The following PCDHA12 variants were observed in gnomAD, a reference collection of about 807,000 sequenced individuals.
The protein encoded by PCDHA12 is protocadherin alpha 12.
PCDHA12 carries 44 observed loss-of-function variants against 60.0 expected under a neutral mutation model. The ratio of observed to expected loss-of-function variants is 0.73; its 90% CI spans 0.58 to 0.94. The LOEUF is 0.94. PCDHA12 is among the 40% of genes least tolerant of loss of function. The pLI, the probability that PCDHA12 is intolerant of heterozygous loss-of-function variation, is 0.00. For synonymous variants in PCDHA12, 569 were observed against 553.0 expected (o/e 1.03, Z -0.40); for missense variants, 1,276 against 1,239.7 (o/e 1.03, Z -0.44).
At chr5:140,932,727 A>G (rs927294598) in intron 1 of PCDHA12, among the ~76,000 whole-genome samples, 2 of 151,954 alleles carry the variant, frequency 1.3e-5, no homozygotes, top group Non-Finnish European at 2.9e-5. Flanking sequence ...ATTGTATAAT[A>G]TAGACCCTCA....
chr5:140,878,856 G>T (rs1210501065), intron 1 of PCDHA12, among the ~76,000 whole-genome samples: 1 of 152,168 alleles, frequency 6.6e-6, no homozygotes, highest in Admixed American at 6.5e-5. Flanking sequence ...GGGTTCAACT[G>T]ATCCTCCATT....
At chr5:140,970,082 G>C (rs1203003794) in intron 1 of PCDHA12, among the ~76,000 whole-genome samples, 1 of 152,178 alleles carries the variant, frequency 6.6e-6, no homozygotes, top group Non-Finnish European at 1.5e-5. Context: ...TGGATTAGGG[G>C]TGTGGGGGGA....
chr5:140,903,525 C>T (rs1322141732), intron 1 of PCDHA12, among the ~76,000 whole-genome samples: 1 of 152,164 alleles, frequency 6.6e-6, no homozygotes, highest in African/African-American at 2.4e-5. Context: ...GTGTTGTTCA[C>T]TTTAAACTAG....
intron 3 of PCDHA12, among the ~76,000 whole-genome samples, chr5:141,005,862 G>A (rs376850991): frequency 6.6e-6 from 1 of 152,012 alleles, no homozygotes; most frequent in Non-Finnish European, 1.5e-5. Flanking sequence ...CAGGAGGGTC[G>A]ATTGAGTCCA....
intron 1 of PCDHA12, among the ~76,000 whole-genome samples, chr5:140,947,308 A>G (rs1554218155): frequency 1.3e-5 from 2 of 151,606 alleles, no homozygotes; most frequent in Non-Finnish European, 3.0e-5. Context: ...ACATCTTTGT[A>G]AAAAGTCGGT....
chr5:141,000,359 CTG>C (rs1554257257), intron 3 of PCDHA12, among the ~76,000 whole-genome samples: 2 of 78,146 alleles, frequency 2.6e-5, no homozygotes, highest in South Asian at 4.6e-4. Context: ...CTGTCTCTCT[CTG>C]TCTCTCTCTC....
intron 1 of PCDHA12, among the ~76,000 whole-genome samples, chr5:140,888,841 C>T (rs2062001270): frequency 1.3e-5 from 2 of 151,998 alleles, no homozygotes; most frequent in Admixed American, 1.3e-4. Flanking sequence ...CCACTGCAGC[C>T]TGGTGACAGA....
At chr5:140,926,512 C>T in intron 1 of PCDHA12, 1 of 197,914 alleles carries the variant, frequency 5.1e-6, no homozygotes. Context: ...GTCTCCCAGG[C>T]TCCGCCCTGC....
At chr5:140,995,155 A>T (rs2097666869) in intron 3 of PCDHA12, among the ~76,000 whole-genome samples, 2 of 152,194 alleles carry the variant, frequency 1.3e-5, no homozygotes, top group Non-Finnish European at 2.9e-5. Flanking sequence ...CTTTATATAC[A>T]TTATGTTCTT....
At position 140,876,868 on chromosome 5, in the gene PCDHA12, G is replaced by A; in HGVS notation, c.1396G>A (p.Glu466Lys). ...GCCCGAGTACACAGTGTTCGTGAAG[G>A]AGAACAACCCGCCGGGCTGCCACAT... ...AQPEYTVFVKENNPPGCHIFT... is the reference protein window; with the variant it reads ...AQPEYTVFVKKNNPPGCHIFT... The change falls in exon 1 of 4, where the codon GAG becomes AAG. Residue 466 changes from glutamate to lysine, a missense_variant. Physicochemically the swap from Glu to Lys is moderately conservative, Grantham distance 56 (BLOSUM62 1). Coordinates refer to ENST00000398631, the MANE Select transcript of PCDHA12 (RefSeq NM_018903.4). 4.3e-6 allele frequency: 7 copies of A among 1,614,160 alleles called. No homozygotes were observed. The highest frequency in any genetic ancestry group is 5.9e-6 in the Non-Finnish European group (7 of 1,180,002).
chr5:141,000,389 C>A (rs868958582), intron 3 of PCDHA12, among the ~76,000 whole-genome samples: 168 of 62,538 alleles, frequency 2.7e-3, no homozygotes, highest in Non-Finnish European at 3.7e-3. Flanking sequence ...CTCTCTCTCT[C>A]TCTCTCTATA....
rs1220718510 is a variant in PCDHA12, at chr5:140,898,104, A to T, written c.2367+20265A>T. 2.0e-5 allele frequency among the ~76,000 whole-genome samples: 3 copies of T among 152,110 alleles called. No individual in the cohort carries two copies. In the South Asian group the frequency reaches 6.2e-4, roughly 32 times the overall value. On this transcript the variant is annotated intron_variant, in intron 1 of 3. Coordinates refer to ENST00000398631, the MANE Select transcript of PCDHA12 (RefSeq NM_018903.4). Reference sequence around the variant, plus strand: ...CTGGATATTAGCCCTTTGTCAGATGAGTAGGTTGCGAAAATTTTCTCCCAT... The same window carrying T: ...CTGGATATTAGCCCTTTGTCAGATGTGTAGGTTGCGAAAATTTTCTCCCAT...
At chr5:140,936,240 CAT>C (rs1282249217) in intron 1 of PCDHA12, among the ~76,000 whole-genome samples, 3 of 152,152 alleles carry the variant, frequency 2.0e-5, no homozygotes, top group Non-Finnish European at 4.4e-5. Flanking sequence ...TTAAAGAAAA[CAT>C]ATCCTGCTTC....
rs782164384 is a variant in PCDHA12 at position 140,875,952 on chromosome 5, G to A, written c.480G>A (p.Ala160=). Residue 160 remains alanine, a synonymous_variant, in exon 1 of 4, where the codon GCG becomes GCA. Transcript: ENST00000398631. ...TTCCTCTAGAGGGCGCTTCTGATGC[G>A]GATATCGGCGTAAACTCTCTTTTGA... ...SHFPLEGASD[A]DIGVNSLLTY... 2 of 1,614,102 alleles carry A rather than the reference G, an allele frequency of 1.2e-6. No homozygotes were observed. The highest frequency in any genetic ancestry group is 2.2e-5 in the South Asian group (2 of 91,082).
Position 141,010,446 on chromosome 5 carries a change from C to A in PCDHA12, c.*509C>A. On this transcript the variant is annotated 3_prime_UTR_variant, in exon 4 of 4. Coordinates refer to ENST00000398631, the MANE Select transcript of PCDHA12 (RefSeq NM_018903.4). ...AGGCAAGAAAACAAAGACAAATAAA[C>A]AGCGGAAGTTATCAGTATGGAGGGG... 1 of 944,706 alleles carries A rather than the reference C, an allele frequency of 1.1e-6. No homozygotes were observed. The highest frequency in any genetic ancestry group is 1.7e-5 in the African/African-American group (1 of 60,424). The allele number at this position is 944,706 out of a possible 1,614,324, so 58.5% of individuals were successfully genotyped here.
rs566522528 is a variant in PCDHA12, at chr5:140,881,283, A to C, written c.2367+3444A>C. On this transcript the variant is annotated intron_variant, in intron 1 of 3. Coordinates refer to ENST00000398631, the MANE Select transcript of PCDHA12 (RefSeq NM_018903.4). ...TCAGTGATGATGAAGTAAGATGGAG[A>C]GAGAAAATGGAAACTTTAACCTCCT... 1.3e-5 allele frequency: 10 copies of C among 799,388 alleles called. No homozygotes were observed. The African/African-American group carries it at 1.9e-4, about 15-fold the overall frequency. The allele number at this position is 799,388 out of a possible 1,614,324, so 49.5% of individuals were successfully genotyped here.
chr5:140,967,935 A>C (rs186453952), intron 1 of PCDHA12: 1 of 1,614,214 alleles, frequency 6.2e-7, no homozygotes, highest in Admixed American at 1.7e-5. Context: ...CTCAGTGTCA[A>C]TGACCAAGAC....
At chr5:140,944,134 A>G (rs890508296) in intron 1 of PCDHA12, among the ~76,000 whole-genome samples, 1 of 152,122 alleles carries the variant, frequency 6.6e-6, no homozygotes, top group East Asian at 1.9e-4. Context: ...GAAAAGGTTG[A>G]AGATTAGAAG....
At chr5:140,968,909 G>T in intron 1 of PCDHA12, 1 of 1,614,172 alleles carries the variant, frequency 6.2e-7, no homozygotes, top group East Asian at 2.2e-5. Flanking sequence ...ATTAAGCACA[G>T]TGTCTTTTAT....
Sources: gnomAD v4.1 joint callset for allele counts (sites outside exome capture counted in the v4.1 genomes callset) on GRCh38, gnomAD v4.1.1 for gene constraint, MANE v1.5 for transcripts, NCBI Gene and HGNC (gene_info 2026-07-23, HGNC 2026-07-21) for gene names.